The following ADAMTS12 variants were observed in gnomAD, a reference collection of about 807,000 sequenced individuals.
ADAMTS12 encodes the protein A disintegrin and metalloproteinase with thrombospondin motifs 12.
ADAMTS12 carries 118 observed loss-of-function variants against 167.8 expected under a neutral mutation model. That is an observed-to-expected ratio of 0.70 (90% CI 0.61 to 0.82). The LOEUF (loss-of-function observed/expected upper bound fraction) is 0.82, where lower values mean the gene tolerates loss of function less well. Among genes scored for constraint, ADAMTS12 ranks in the 40% least tolerant of loss-of-function variants. The pLI, the probability that ADAMTS12 is intolerant of heterozygous loss-of-function variation, is 0.00. For missense variants in ADAMTS12, 1,916 were observed against 1,998.8 expected, an observed-to-expected ratio of 0.96 and a Z score of 0.79; for synonymous variants, 704 against 716.9, an observed-to-expected ratio of 0.98 and a Z score of 0.29.
intron 2 of ADAMTS12, among the ~76,000 whole-genome samples, chr5:33,833,658 T>C (rs1005762925): frequency 2.0e-5 from 3 of 152,162 alleles, no homozygotes; most frequent in African/African-American, 4.8e-5. Flanking sequence ...AAGTTTTCTC[T>C]ACAATGCTCT....
At chr5:33,539,493 GT>G (rs1357358433) in intron 22 of ADAMTS12, among the ~76,000 whole-genome samples, 1 of 152,176 alleles carries the variant, frequency 6.6e-6, no homozygotes, top group Non-Finnish European at 1.5e-5. Context: ...CAAGGTGCTG[GT>G]TGTAAAACAG....
At chr5:33,757,250 C>T (rs1343801050) in intron 2 of ADAMTS12, among the ~76,000 whole-genome samples, 1 of 152,206 alleles carries the variant, frequency 6.6e-6, no homozygotes, top group East Asian at 1.9e-4. Flanking sequence ...ATTGGGAACA[C>T]CCGTGCACTG....
chr5:33,570,916 T>C (rs1455414776), intron 19 of ADAMTS12, among the ~76,000 whole-genome samples: 2 of 150,318 alleles, frequency 1.3e-5, no homozygotes, highest in Admixed American at 6.6e-5. Context: ...ACCAAGCAAA[T>C]GGAAAACAAA....
chr5:33,575,665 G>A (rs1248933738), intron 19 of ADAMTS12, among the ~76,000 whole-genome samples: 1 of 152,104 alleles, frequency 6.6e-6, no homozygotes, highest in Non-Finnish European at 1.5e-5. Flanking sequence ...TCTCTGTCTT[G>A]TATCCCTGAT....
chr5:33,634,324 T>C (rs1470393088), intron 12 of ADAMTS12, among the ~76,000 whole-genome samples: 1 of 152,138 alleles, frequency 6.6e-6, no homozygotes, highest in Non-Finnish European at 1.5e-5. Context: ...CTATTGTCTC[T>C]GTCTTGCAAT....
chr5:33,553,673 T>C (rs1231698430), intron 20 of ADAMTS12, among the ~76,000 whole-genome samples: 3 of 152,076 alleles, frequency 2.0e-5, no homozygotes, highest in Non-Finnish European at 4.4e-5. Context: ...TGAGAACACA[T>C]GGACACATGG....
rs151097276 is a variant in ADAMTS12 at position 33,526,443 on chromosome 5, A to G, written c.*745T>C. On this transcript the variant is annotated 3_prime_UTR_variant, in exon 24 of 24. Transcript: ENST00000504830. The stretch of plus-strand genomic sequence containing the variant: ...AAGAAATTGATTTCTGCTCATTTGC[A>G]TTTTACGAGTTTTCATAGAAATGCT... 1.2e-4 allele frequency: 18 copies of G among 152,334 alleles called. No individual in the cohort carries two copies. In the East Asian group the frequency reaches 3.5e-3, roughly 29 times the overall value. The allele number at this position is 152,334 out of a possible 1,614,324, so 9.4% of individuals were successfully genotyped here.
At chr5:33,537,034 T>C (rs1312199443) in intron 22 of ADAMTS12, among the ~76,000 whole-genome samples, 1 of 152,242 alleles carries the variant, frequency 6.6e-6, no homozygotes, top group Non-Finnish European at 1.5e-5. Context: ...CTCAGGCCCA[T>C]GTGGCTGGAG....
chr5:33,556,679 A>G (rs1579660460), intron 20 of ADAMTS12, among the ~76,000 whole-genome samples: 1 of 152,328 alleles, frequency 6.6e-6, no homozygotes, highest in East Asian at 1.9e-4. Flanking sequence ...GTGTGGTCAC[A>G]CTGCACCAAG....
chr5:33,527,413 T>C (rs1302162021), intron 23 of ADAMTS12, 47 bp from the exon 24 acceptor site: 2 of 1,575,582 alleles, frequency 1.3e-6, no homozygotes, highest in East Asian at 2.3e-5. Context: ...AGATTATCCT[T>C]TGTGGATATA....
intron 2 of ADAMTS12, among the ~76,000 whole-genome samples, chr5:33,860,316 T>A (rs1749561356): frequency 6.6e-6 from 1 of 152,010 alleles, no homozygotes; most frequent in Admixed American, 6.6e-5. Flanking sequence ...AAGAAGAACA[T>A]AAATGACCTG....
chr5:33,585,177 T>G (rs1747283962), intron 18 of ADAMTS12, among the ~76,000 whole-genome samples: 1 of 152,178 alleles, frequency 6.6e-6, no homozygotes, highest in East Asian at 1.9e-4. Flanking sequence ...GCAATTTATT[T>G]TAAAGCTCTC....
chr5:33,546,203 C>T lies in ADAMTS12; in HGVS notation c.4303-1G>A. ...CTCCACCTCCACAGGACCTGGAGCA[C>T]TGATACACAGCAGTGACAAGATTAG... On this transcript the variant is annotated splice_acceptor_variant, in intron 21 of 23. Transcript: ENST00000504830. LOFTEE classifies it high-confidence loss of function. 2.5e-6 allele frequency: 4 copies of T among 1,610,488 alleles called. No individual in the cohort carries two copies. Among genetic ancestry groups the T allele is most frequent in the Non-Finnish European group, 3.4e-6 (4 of 1,178,724 alleles).
intron 12 of ADAMTS12, among the ~76,000 whole-genome samples, chr5:33,636,488 C>A (rs1347766599): frequency 6.6e-6 from 1 of 152,098 alleles, no homozygotes; most frequent in African/African-American, 2.4e-5. Context: ...TGACACCAAA[C>A]GATTGGGGGC....
intron 3 of ADAMTS12, among the ~76,000 whole-genome samples, chr5:33,707,479 G>A (rs905164062): frequency 6.6e-6 from 1 of 152,100 alleles, no homozygotes; most frequent in Non-Finnish European, 1.5e-5. Flanking sequence ...AACCAAAAAA[G>A]AACCCATATA....
At chr5:33,787,408 A>G (rs1410935704) in intron 2 of ADAMTS12, among the ~76,000 whole-genome samples, 3 of 152,262 alleles carry the variant, frequency 2.0e-5, no homozygotes, top group Non-Finnish European at 4.4e-5. Context: ...AAATCTGCCT[A>G]GCAAATTGCT....
At position 33,641,794 on chromosome 5, in the gene ADAMTS12, A is replaced by G; in HGVS notation, c.1718+16T>C. The G allele has an allele frequency of 1.3e-6, 2 of 1,584,902 alleles. No homozygotes were observed. The stretch of plus-strand genomic sequence containing the variant: ...GCACATGTGGAGAGAAGGGAAATAT[A>G]TTTATCTGGACTCACTCGGGGTTGT... On this transcript the variant is annotated intron_variant, in intron 11 of 23. Coordinates refer to ENST00000504830, the MANE Select transcript of ADAMTS12 (RefSeq NM_030955.4).
rs1750848371 is a variant in ADAMTS12, at chr5:33,891,440, A to G, written c.127+290T>C. On this transcript the variant is annotated intron_variant, in intron 1 of 23. Transcript: ENST00000504830. ...CAGTACAGCATTCAAAGAGGAGACA[A>G]AAGAGAAAAAGTTACCAGCTACCTC... The G allele has an allele frequency of 1.1e-5, 4 of 373,078 alleles. No homozygotes were observed. The South Asian group carries it at 2.9e-4, about 27-fold the overall frequency. The allele number at this position is 373,078 out of a possible 1,614,324, so 23.1% of individuals were successfully genotyped here. A position where few individuals can be genotyped will look rare whatever the true frequency, so the allele number is the denominator to read the frequency against.
intron 3 of ADAMTS12, among the ~76,000 whole-genome samples, chr5:33,718,995 G>T (rs1004411081): frequency 6.6e-6 from 1 of 152,176 alleles, no homozygotes; most frequent in Admixed American, 6.5e-5. Flanking sequence ...AGGTTTCTGT[G>T]CCTCTGTGTC....
Sources: allele counts gnomAD v4.1 joint callset (sites outside exome capture counted in the v4.1 genomes callset), GRCh38; gene constraint gnomAD v4.1.1; transcripts MANE v1.5; gene names NCBI Gene and HGNC (gene_info 2026-07-23, HGNC 2026-07-21).